Variants in SPNS3 observed in about 807,000 individuals in gnomAD.
SPNS3 encodes SPNS lysolipid transporter 3, sphingosine-1-phosphate (putative), also known as protein spinster homolog 3.
A neutral mutation model predicts 54.4 loss-of-function variants in SPNS3; 51 were observed. The ratio of observed to expected loss-of-function variants is 0.94; its 90% confidence interval spans 0.75 to 1.18. The LOEUF is 1.18. Among genes scored for constraint, SPNS3 ranks in the 50% most tolerant of loss-of-function variants. The pLI, the probability that SPNS3 is intolerant of heterozygous loss-of-function variation, is 0.00. For synonymous variants in SPNS3, 309 were observed against 294.7 expected (o/e 1.05, Z -0.50); for missense variants, 669 against 677.4 (o/e 0.99, Z 0.14).
In SPNS3 at chr17:4,446,072, C is replaced by G; in HGVS notation, c.427C>G (p.Arg143Gly). The change falls in exon 4 of 12, where the codon CGG becomes GGG. Residue 143 changes from arginine to glycine, a missense_variant. By Grantham distance (125) the Arg-to-Gly change is moderately radical. Transcript: ENST00000355530. ...PRYSWLFFLSRGIVGTGSASY... is the reference protein window; with the variant it reads ...PRYSWLFFLSGGIVGTGSASY... ...GTATTCTTGGCTCTTCTTCCTGTCC[C>G]GGGGCATCGTGGGCACTGGCTCGGC... The G allele has an allele frequency of 5.0e-6, 8 of 1,611,372 alleles. No homozygotes were observed. Among genetic ancestry groups the G allele is most frequent in the Non-Finnish European group, 6.8e-6 (8 of 1,178,104 alleles).
intron 8 of SPNS3, among the ~76,000 whole-genome samples, chr17:4,461,968 A>C (rs73323812): frequency 2.0e-5 from 3 of 152,044 alleles, no homozygotes; most frequent in African/African-American, 7.2e-5. Flanking sequence ...AAGGGTGAAA[A>C]CATTTTTGGG....
intron 9 of SPNS3, among the ~76,000 whole-genome samples, chr17:4,481,362 C>G (rs185806632): frequency 1.6e-4 from 24 of 152,008 alleles, no homozygotes; most frequent in African/African-American, 5.5e-4. Context: ...TCCCCTTTGC[C>G]GGCCGGCACT....
intron 8 of SPNS3, among the ~76,000 whole-genome samples, chr17:4,455,529 A>T (rs1337356580): frequency 6.6e-6 from 1 of 152,106 alleles, no homozygotes; most frequent in African/African-American, 2.4e-5. Context: ...CAATTCCTTG[A>T]TGCAAGGGTT....
intron 4 of SPNS3, chr17:4,446,608 G>T (rs1482520392): frequency 7.3e-6 from 4 of 544,952 alleles, no homozygotes; most frequent in Non-Finnish European, 1.3e-5. Flanking sequence ...GAACTTGCCT[G>T]ACTCAAGCAG....
intron 2 of SPNS3, among the ~76,000 whole-genome samples, chr17:4,443,684 T>C (rs7216352): frequency 0.87 from 132,558 of 152,280 alleles, 59,051 homozygotes; most frequent in African/African-American, 0.97. Context: ...TAGAAAGTGG[T>C]GAGCCAGGAT....
At chr17:4,485,463 T>A (rs1972287574) in intron 9 of SPNS3, among the ~76,000 whole-genome samples, 1 of 151,702 alleles carries the variant, frequency 6.6e-6, no homozygotes, top group Non-Finnish European at 1.5e-5. Flanking sequence ...AGTGGTACGA[T>A]CTCAGCTCAC....
Position 4,486,200 on chromosome 17 carries a change from G to C in SPNS3, c.1180-28G>C, listed in dbSNP as rs777750003. 6.6e-7 allele frequency: 1 copy of C among 1,506,144 alleles called. No individual in the cohort carries two copies. The highest frequency in any genetic ancestry group is 8.9e-7 in the Non-Finnish European group (1 of 1,129,834). 93.3% of individuals were successfully genotyped at this position (1,506,144 alleles called of 1,614,324 possible). A position where few individuals can be genotyped will look rare whatever the true frequency, so the allele number is the denominator to read the frequency against. On this transcript the variant is annotated intron_variant, in intron 9 of 11. Transcript: ENST00000355530. The surrounding 1 kb of genome is among the most constrained non-coding windows in gnomAD (Gnocchi z 5.5). ...AGGCAAGGGTGCCCTCACTTGGGGT[G>C]CCCCCCTGCTGTGCCTATGTTTTGC...
At chr17:4,436,668 T>G (rs1970725727) in intron 1 of SPNS3, among the ~76,000 whole-genome samples, 1 of 150,700 alleles carries the variant, frequency 6.6e-6, no homozygotes, top group South Asian at 2.1e-4. Context: ...CCCAAAGGGG[T>G]GTATGGGGTG....
chr17:4,435,150 C>T (rs1321451448), intron 1 of SPNS3, among the ~76,000 whole-genome samples: 1 of 150,894 alleles, frequency 6.6e-6, no homozygotes, highest in Non-Finnish European at 1.5e-5. Flanking sequence ...GGGCTGGGTG[C>T]GGTGGCTCAG....
intron 8 of SPNS3, among the ~76,000 whole-genome samples, chr17:4,456,711 T>TG (rs1189490846): frequency 1.5e-3 from 203 of 137,428 alleles, no homozygotes; most frequent in African/African-American, 5.3e-3. Flanking sequence ...TTTGTTTTTG[T>TG]GTTTTTTTTG....
At chr17:4,459,720 A>G (rs1040807606) in intron 8 of SPNS3, among the ~76,000 whole-genome samples, 2 of 152,202 alleles carry the variant, frequency 1.3e-5, no homozygotes, top group African/African-American at 4.8e-5. Flanking sequence ...GTCTAAATAA[A>G]TAAATAAATA....
intron 1 of SPNS3, among the ~76,000 whole-genome samples, chr17:4,435,889 G>A (rs1281289367): frequency 6.6e-6 from 1 of 151,942 alleles, no homozygotes; most frequent in Non-Finnish European, 1.5e-5. Flanking sequence ...CTGAGATCGT[G>A]CCACTGCACT....
chr17:4,453,541 G>C (rs2326058), intron 8 of SPNS3, among the ~76,000 whole-genome samples: 64,769 of 151,766 alleles, frequency 0.43, 14,396 homozygotes, highest in African/African-American at 0.51. Context: ...TCGCTTGAAC[G>C]CGGGAGGTGG....
rs1970951556 is a variant in SPNS3 at position 4,445,179 on chromosome 17, A to T, written c.402+11A>T. On this transcript the variant is annotated intron_variant, in intron 3 of 11. Transcript: ENST00000355530. ...TTCATCTCCCCCCGGGTACGTGTCC[A>T]TGCCCCTGTCCAGGCCCCTGAGGCC... is the stretch of plus-strand genomic sequence containing the variant. 2.5e-6 allele frequency: 4 copies of T among 1,610,172 alleles called. No individual in the cohort carries two copies. The Admixed American group carries it at 5.0e-5, about 20-fold the overall frequency.
intron 9 of SPNS3, chr17:4,485,074 C>T (rs903978644): frequency 3.9e-5 from 6 of 151,992 alleles, no homozygotes; most frequent in African/African-American, 9.7e-5. Context: ...ATGACCGAAA[C>T]GTAAGTCCTA....
intron 7 of SPNS3, among the ~76,000 whole-genome samples, chr17:4,450,600 A>T (rs1220501312): frequency 6.8e-6 from 1 of 147,780 alleles, no homozygotes; most frequent in African/African-American, 2.5e-5. Context: ...ATTTTATTTT[A>T]TTTATTTTTT....
At chr17:4,438,039 G>A (rs761305481) in intron 1 of SPNS3, among the ~76,000 whole-genome samples, 4 of 152,146 alleles carry the variant, frequency 2.6e-5, no homozygotes, top group African/African-American at 7.2e-5. Context: ...TGCCGGCCTC[G>A]GCCTCCCAAA....
chr17:4,458,601 C>CTT (rs1971396135), intron 8 of SPNS3, among the ~76,000 whole-genome samples: 1 of 95,030 alleles, frequency 1.1e-5, no homozygotes, highest in African/African-American at 4.5e-5. Flanking sequence ...TTCTTTCTTT[C>CTT]TTTCTTTCTT....
At chr17:4,473,792 G>T (rs531450094) in intron 8 of SPNS3, among the ~76,000 whole-genome samples, 1 of 152,264 alleles carries the variant, frequency 6.6e-6, no homozygotes, top group Admixed American at 6.5e-5. Context: ...GCAGAGATCA[G>T]CCAGGACGTG....
Sources: allele counts gnomAD v4.1 joint callset (sites outside exome capture counted in the v4.1 genomes callset), GRCh38; gene constraint gnomAD v4.1.1; non-coding constraint Gnocchi (gnomAD v3.1); transcripts MANE v1.5; gene names NCBI Gene and HGNC (gene_info 2026-07-23, HGNC 2026-07-21).